KCNQ1: variants seen among roughly 807,000 people sequenced by gnomAD.
The protein encoded by KCNQ1 is potassium voltage-gated channel subfamily KQT member 1.
In KCNQ1, 49 loss-of-function variants were observed where a neutral mutation model predicts 72.4. The ratio of observed to expected loss-of-function variants is 0.68; its 90% confidence interval spans 0.54 to 0.86. KCNQ1 has a LOEUF of 0.86. Ranked by LOEUF, KCNQ1 falls within the 40% of genes least tolerant of loss-of-function variation. The probability of loss-of-function intolerance (pLI) is 0.00; values close to 1 mark genes in which losing one functional copy is unlikely to be tolerated. For missense variants in KCNQ1, 790 were observed against 945.1 expected (o/e 0.84, Z 2.15); for synonymous variants, 450 against 412.6 (o/e 1.09, Z -1.10).
At chr11:2,581,560 G>C (rs1848498552) in intron 6 of KCNQ1, among the ~76,000 whole-genome samples, 1 of 152,262 alleles carries the variant, frequency 6.6e-6, no homozygotes, top group South Asian at 2.1e-4. Flanking sequence ...TCACCCTGCA[G>C]GGACCTGGCT....
In KCNQ1 at chr11:2,759,868, GA is replaced by G; in HGVS notation, c.1515-8975del. ...CCCAGCCCCACCCTGAGCTGTACTGGACCCAAGCCCCAGGACCCCCTGGAGT... is the reference window on the plus strand; with the variant it reads ...CCCAGCCCCACCCTGAGCTGTACTGGCCCAAGCCCCAGGACCCCCTGGAGT... On this transcript the variant is annotated intron_variant, in intron 11 of 15. Transcript: ENST00000155840. This position sits in a 1 kb window ranked among gnomAD's most constrained non-coding sequence, Gnocchi z 4.4. Among the ~76,000 whole-genome samples, 1 of 152,224 alleles carries G rather than the reference GA, an allele frequency of 6.6e-6. No individual in the cohort carries two copies. Among genetic ancestry groups the G allele is most frequent in the East Asian group, 1.9e-4 (1 of 5,152 alleles).
chr11:2,705,487 G>A (rs1850893842), intron 11 of KCNQ1, among the ~76,000 whole-genome samples: 1 of 152,174 alleles, frequency 6.6e-6, no homozygotes, highest in Non-Finnish European at 1.5e-5. Flanking sequence ...CGGGGGGGTG[G>A]GAAAATGAAG....
intron 1 of KCNQ1, among the ~76,000 whole-genome samples, chr11:2,476,664 C>A (rs1846572705): frequency 6.6e-6 from 1 of 152,090 alleles, no homozygotes; most frequent in South Asian, 2.1e-4. Context: ...CATGAGAAGG[C>A]TCTTTGGCAA....
chr11:2,601,518 A>G lies in KCNQ1; in HGVS notation c.1393+12664A>G, dbSNP rs916434947. Among the ~76,000 whole-genome samples the G allele has an allele frequency of 6.6e-6, 1 of 152,190 alleles. No individual in the cohort carries two copies. The highest frequency in any genetic ancestry group is 1.5e-5 in the Non-Finnish European group (1 of 68,034). ...GTCAACAGCAAGAGTCCAGATGCAGAGTGCTCCCGTCGCCACGGGGTTCCC... is the reference window on the plus strand; with the variant it reads ...GTCAACAGCAAGAGTCCAGATGCAGGGTGCTCCCGTCGCCACGGGGTTCCC... On this transcript the variant is annotated intron_variant, in intron 10 of 15. Transcript: ENST00000155840. The surrounding 1 kb of genome is among the most constrained non-coding windows in gnomAD (Gnocchi z 5.2).
chr11:2,716,931 T>TG (rs2133924207), intron 11 of KCNQ1, among the ~76,000 whole-genome samples: 1 of 152,356 alleles, frequency 6.6e-6, no homozygotes, highest in African/African-American at 2.4e-5. Flanking sequence ...GTAGGAGCTC[T>TG]GTGCATATCC....
Position 2,803,991 on chromosome 11 carries a change from G to A in KCNQ1, c.1794+25954G>A, listed in dbSNP as rs977287319. On this transcript the variant is annotated intron_variant, in intron 15 of 15. Transcript: ENST00000155840. The surrounding 1 kb of genome is among the most constrained non-coding windows in gnomAD (Gnocchi z 6.4). ...ATGTGGCCGCAGCCCCAACTGCAGC[G>A]GAAGGTATCGGGGAGTCGAAGGCAG... 1.3e-5 allele frequency among the ~76,000 whole-genome samples: 2 copies of A among 152,298 alleles called. No homozygotes were observed. Among genetic ancestry groups the A allele is most frequent in the East Asian group, 1.9e-4 (1 of 5,192 alleles).
intron 10 of KCNQ1, chr11:2,622,220 T>C (rs1297830369): frequency 7.5e-6 from 3 of 398,300 alleles, no homozygotes; most frequent in Admixed American, 4.4e-5. Context: ...TTTTCTTATA[T>C]TCTGGGGCTC....
intron 1 of KCNQ1, chr11:2,521,673 C>T (rs1429824612): frequency 2.6e-5 from 10 of 387,270 alleles, no homozygotes; most frequent in Non-Finnish European, 4.9e-5. Flanking sequence ...TTTAAGGTTC[C>T]TCAACTTTAT....
chr11:2,699,589 C>A (rs766396147), intron 11 of KCNQ1: 1 of 227,252 alleles, frequency 4.4e-6, no homozygotes, highest in East Asian at 6.3e-5. Flanking sequence ...CCGGGGAGAA[C>A]AGAACCGCGG....
chr11:2,620,276 G>A lies in KCNQ1; in HGVS notation c.1393+31422G>A. On this transcript the variant is annotated intron_variant, in intron 10 of 15. Coordinates refer to ENST00000155840, the MANE Select transcript of KCNQ1 (RefSeq NM_000218.3). The surrounding 1 kb of genome is among the most constrained non-coding windows in gnomAD (Gnocchi z 4.5). ...TTGTTGCCCAGGCTGGAGGGCAATG[G>A]CATGATCTCGGCTCACTGCAGCCTC... The A allele has an allele frequency of 4.5e-6, 1 of 220,100 alleles. No individual in the cohort carries two copies. The highest frequency in any genetic ancestry group is 9.7e-5 in the East Asian group (1 of 10,274). 13.6% of individuals were successfully genotyped at this position (220,100 alleles called of 1,614,324 possible).
intron 1 of KCNQ1, among the ~76,000 whole-genome samples, chr11:2,501,201 T>C (rs908109214): frequency 4.6e-5 from 7 of 150,602 alleles, no homozygotes; most frequent in Non-Finnish European, 8.9e-5. Context: ...ATACATGAAA[T>C]TGAAGTGAAG....
intron 10 of KCNQ1, chr11:2,641,283 A>G (rs1378903490): frequency 3.3e-5 from 13 of 398,364 alleles, no homozygotes; most frequent in Non-Finnish European, 5.8e-5. Flanking sequence ...CCAACAGTGT[A>G]TAAGAGTTCC....
In KCNQ1 at chr11:2,772,304, A is replaced by T. The variant is rs76677145; in HGVS notation, c.1590+3385A>T. ...ACCCCTCTGCCTACCTTGCTGGCTG[A>T]TAAGTCCTTGGCCAACCACCCCTGT... On this transcript the variant is annotated intron_variant, in intron 12 of 15. Transcript: ENST00000155840. This position sits in a 1 kb window ranked among gnomAD's most constrained non-coding sequence, Gnocchi z 6.6. Among the ~76,000 whole-genome samples, 2,521 of 152,134 alleles carry T rather than the reference A, an allele frequency of 0.017. 112 individuals carry two copies. The highest frequency in any genetic ancestry group is 0.13 in the East Asian group (692 of 5,160).
chr11:2,610,716 C>G, intron 10 of KCNQ1: 1 of 228,462 alleles, frequency 4.4e-6, no homozygotes, highest in African/African-American at 4.7e-5. Flanking sequence ...TCTTGGTTGG[C>G]TTTTTTTTTT....
chr11:2,765,060 A>AT (rs753982896), intron 11 of KCNQ1, among the ~76,000 whole-genome samples: 30 of 152,088 alleles, frequency 2.0e-4, no homozygotes, highest in Non-Finnish European at 2.6e-4. Flanking sequence ...GTAATTTGCC[A>AT]TTTTTTTAAC....
chr11:2,751,430 A>G (rs1270479028), intron 11 of KCNQ1, among the ~76,000 whole-genome samples: 1 of 152,234 alleles, frequency 6.6e-6, no homozygotes, highest in East Asian at 1.9e-4. Flanking sequence ...AGCTGCCCAA[A>G]GTGAGCATCT....
rs192373483 is a variant in KCNQ1, at chr11:2,475,561, C to T, written c.386+30077C>T. Among the ~76,000 whole-genome samples the T allele has an allele frequency of 1.4e-3, 212 of 152,334 alleles. No individual in the cohort carries two copies. The highest frequency in any genetic ancestry group is 0.01 in the Middle Eastern group (3 of 294). On this transcript the variant is annotated intron_variant, in intron 1 of 15. Coordinates refer to ENST00000155840, the MANE Select transcript of KCNQ1 (RefSeq NM_000218.3). The surrounding 1 kb of genome is among the most constrained non-coding windows in gnomAD (Gnocchi z 5.8). ...TAAAGATAGCAGACATTCCATTCAACCTTCATCTCAAAGAATTAGGGCAAG... is the reference window on the plus strand; with the variant it reads ...TAAAGATAGCAGACATTCCATTCAATCTTCATCTCAAAGAATTAGGGCAAG...
At chr11:2,731,179 GT>G (rs1845853244) in intron 11 of KCNQ1, among the ~76,000 whole-genome samples, 1 of 152,206 alleles carries the variant, frequency 6.6e-6, no homozygotes, top group South Asian at 2.1e-4. Flanking sequence ...CCTAGGTACA[GT>G]CCCCTGTGCC....
In KCNQ1 at chr11:2,715,938, C is replaced by A. The variant is rs1851085169; in HGVS notation, c.1515-52906C>A. Among the ~76,000 whole-genome samples the A allele has an allele frequency of 6.6e-6, 1 of 152,120 alleles. No homozygotes were observed. Among genetic ancestry groups the A allele is most frequent in the Admixed American group, 6.5e-5 (1 of 15,288 alleles). On this transcript the variant is annotated intron_variant, in intron 11 of 15. Transcript: ENST00000155840. This position sits in a 1 kb window ranked among gnomAD's most constrained non-coding sequence, Gnocchi z 4.9. ...GAGTGGGAACCATGGTGATGCAAAC[C>A]ATAAACCTGTCCCCCACGTCACCTC...
Sources: allele counts gnomAD v4.1 joint callset (sites outside exome capture counted in the v4.1 genomes callset), GRCh38; gene constraint gnomAD v4.1.1; non-coding constraint Gnocchi (gnomAD v3.1); transcripts MANE v1.5; gene names NCBI Gene and HGNC (gene_info 2026-07-23, HGNC 2026-07-21).